The following PPP3CA variants were observed in gnomAD, a reference collection of about 807,000 sequenced individuals.
PPP3CA encodes CAM-PRP catalytic subunit.
Under a neutral mutation model 66.5 loss-of-function variants are expected in PPP3CA, and 14 were observed. The observed-to-expected ratio is 0.21, with a 90% CI of 0.14 to 0.33. PPP3CA has a LOEUF of 0.33. Ranked by LOEUF, PPP3CA falls within the 10% of genes least tolerant of loss-of-function variation. The pLI is 1.00. For missense variants in PPP3CA, 317 were observed against 639.5 expected, an observed-to-expected ratio of 0.50 and a Z score of 5.44; for synonymous variants, 232 against 226.2, an observed-to-expected ratio of 1.03 and a Z score of -0.23.
intron 1 of PPP3CA, among the ~76,000 whole-genome samples, chr4:101,336,160 A>C (rs1284078265): frequency 6.6e-6 from 1 of 151,630 alleles, no homozygotes; most frequent in Non-Finnish European, 1.5e-5. Flanking sequence ...GCTTGCAATG[A>C]GCCAAGATCA....
At chr4:101,034,559 T>G (rs1727156608) in intron 11 of PPP3CA, among the ~76,000 whole-genome samples, 1 of 139,836 alleles carries the variant, frequency 7.2e-6, no homozygotes, top group Non-Finnish European at 1.5e-5. Context: ...CTTTAATCAC[T>G]GCTGCATCCA....
Position 101,318,442 on chromosome 4 carries a change from T to C in PPP3CA, c.58+28297A>G, listed in dbSNP as rs143591209. Among the ~76,000 whole-genome samples the C allele has an allele frequency of 3.0e-3, 459 of 152,274 alleles. 5 individuals carry two copies. Among genetic ancestry groups the C allele is most frequent in the African/African-American group, 0.01 (436 of 41,556 alleles). On this transcript the variant is annotated intron_variant, in intron 1 of 13. Coordinates refer to ENST00000394854, the MANE Select transcript of PPP3CA (RefSeq NM_000944.5). ...GAAATCACAGAAGTGGTAAGCAAACTAGGCTTCATTAATGATGTGCTTAGA... is the reference window on the plus strand; with the variant it reads ...GAAATCACAGAAGTGGTAAGCAAACCAGGCTTCATTAATGATGTGCTTAGA...
chr4:101,068,166 A>G (rs1242108397), intron 8 of PPP3CA, among the ~76,000 whole-genome samples: 3 of 152,162 alleles, frequency 2.0e-5, no homozygotes, highest in African/African-American at 7.2e-5. Flanking sequence ...AAGATGGGAA[A>G]GAGGGAGAGA....
chr4:101,195,823 T>C, intron 2 of PPP3CA, 93 bp downstream of exon 2: 2 of 1,061,600 alleles, frequency 1.9e-6, no homozygotes, highest in South Asian at 1.5e-5. Flanking sequence ...GGGTAAGGTA[T>C]TTGAAGACTC....
intron 1 of PPP3CA, among the ~76,000 whole-genome samples, chr4:101,325,905 A>C (rs1181697967): frequency 3.9e-5 from 6 of 152,172 alleles, no homozygotes; most frequent in Non-Finnish European, 8.8e-5. Context: ...TGGGGGGCTG[A>C]GGTTAGGCGG....
At chr4:101,346,039 T>A (rs953087323) in intron 1 of PPP3CA, among the ~76,000 whole-genome samples, 3 of 151,944 alleles carry the variant, frequency 2.0e-5, no homozygotes, top group Admixed American at 2.0e-4. Flanking sequence ...CAACGGCTGG[T>A]GCTCTCAGGT....
At chr4:101,089,497 C>A (rs76066162) in intron 6 of PPP3CA, among the ~76,000 whole-genome samples, 7,956 of 152,152 alleles carry the variant, frequency 0.052, 743 homozygotes, top group African/African-American at 0.18. Flanking sequence ...TGTCAAGATG[C>A]CCCTAAAATT....
intron 2 of PPP3CA, among the ~76,000 whole-genome samples, chr4:101,110,685 C>T (rs896252452): frequency 1.3e-5 from 2 of 152,012 alleles, no homozygotes; most frequent in Non-Finnish European, 2.9e-5. Flanking sequence ...TTTTTTTATT[C>T]TTAGAGCTGA....
intron 1 of PPP3CA, among the ~76,000 whole-genome samples, chr4:101,209,916 G>C (rs1195852174): frequency 6.6e-6 from 1 of 151,940 alleles, no homozygotes; most frequent in Non-Finnish European, 1.5e-5. Context: ...CAAATACAAA[G>C]TAAAGAAAAA....
intron 11 of PPP3CA, among the ~76,000 whole-genome samples, chr4:101,037,176 T>A (rs1727291089): frequency 6.6e-6 from 1 of 152,168 alleles, no homozygotes; most frequent in African/African-American, 2.4e-5. Flanking sequence ...TGCTGTGTAG[T>A]TAGCTCCCAA....
At chr4:101,196,743 C>T (rs1027022884) in intron 1 of PPP3CA, among the ~76,000 whole-genome samples, 19 of 152,140 alleles carry the variant, frequency 1.2e-4, no homozygotes, top group African/African-American at 3.1e-4. Flanking sequence ...ATGTCAGGGA[C>T]GAGATACAGG....
At chr4:101,040,437 C>T (rs1727462795) in intron 11 of PPP3CA, 45 bp downstream of exon 11, 1 of 1,348,126 alleles carries the variant, frequency 7.4e-7, no homozygotes, top group Admixed American at 2.2e-5. Context: ...TATTAGGTGA[C>T]ACATAATACA....
intron 6 of PPP3CA, among the ~76,000 whole-genome samples, chr4:101,092,230 A>G (rs1729985444): frequency 1.3e-5 from 2 of 152,144 alleles, no homozygotes; most frequent in South Asian, 2.1e-4. Flanking sequence ...TAAATATACT[A>G]TGGTTCCTAT....
At chr4:101,107,585 C>T (rs951852776) in intron 3 of PPP3CA, among the ~76,000 whole-genome samples, 5 of 152,198 alleles carry the variant, frequency 3.3e-5, no homozygotes, top group Admixed American at 6.5e-5. Flanking sequence ...TCTTTAAATG[C>T]AGACGGTATT....
intron 2 of PPP3CA, among the ~76,000 whole-genome samples, chr4:101,172,383 A>G (rs1474539555): frequency 6.6e-6 from 1 of 152,188 alleles, no homozygotes; most frequent in East Asian, 1.9e-4. Flanking sequence ...TCACTGATAT[A>G]TTCCAAAAAC....
chr4:101,194,921 AC>A (rs1173885838), intron 2 of PPP3CA, among the ~76,000 whole-genome samples: 2 of 152,172 alleles, frequency 1.3e-5, no homozygotes, highest in African/African-American at 2.4e-5. Context: ...AAGCATACTT[AC>A]ACAAAATATG....
chr4:101,238,517 T>C (rs1373470705), intron 1 of PPP3CA, among the ~76,000 whole-genome samples: 1 of 151,938 alleles, frequency 6.6e-6, no homozygotes, highest in Non-Finnish European at 1.5e-5. Context: ...GAAAAAAAGT[T>C]TTAGCTTAAA....
chr4:101,253,864 T>C lies in PPP3CA; in HGVS notation c.59-57748A>G, dbSNP rs1487278867. Among the ~76,000 whole-genome samples the C allele has an allele frequency of 3.9e-5, 6 of 152,000 alleles. No homozygotes were observed. The South Asian group carries it at 6.2e-4, about 16-fold the overall frequency. On this transcript the variant is annotated intron_variant, in intron 1 of 13. Coordinates refer to ENST00000394854, the MANE Select transcript of PPP3CA (RefSeq NM_000944.5). ...TCTTTTACGATGCTCCTTAGAAAAG[T>C]AGAAATTGATTCCAGTTTTCTCTGT...
intron 1 of PPP3CA, among the ~76,000 whole-genome samples, chr4:101,250,059 A>G (rs1270778154): frequency 6.6e-6 from 1 of 152,220 alleles, no homozygotes; most frequent in Non-Finnish European, 1.5e-5. Context: ...ATTCAATGTT[A>G]TTTAATAAAT....
Sources: allele counts gnomAD v4.1 joint callset (sites outside exome capture counted in the v4.1 genomes callset), GRCh38; gene constraint gnomAD v4.1.1; transcripts MANE v1.5; gene names NCBI Gene and HGNC (gene_info 2026-07-23, HGNC 2026-07-21).